Variants in KIF26B observed in about 807,000 individuals in gnomAD.
The protein encoded by KIF26B is kinesin family member 26B.
A neutral mutation model predicts 151.2 loss-of-function variants in KIF26B; 63 were observed. The ratio of observed to expected loss-of-function variants is 0.42; its 90% CI spans 0.34 to 0.51. The LOEUF (loss-of-function observed/expected upper bound fraction) is 0.51, where lower values mean the gene tolerates loss of function less well. KIF26B is among the 20% of genes least tolerant of loss of function. The pLI is 0.07. For synonymous variants in KIF26B, 1,357 were observed against 1,262.1 expected (o/e 1.08, Z -1.59); for missense variants, 2,813 against 2,913.6 (o/e 0.97, Z 0.79).
chr1:245,464,896 C>T (rs74156724), intron 4 of KIF26B, among the ~76,000 whole-genome samples: 2,282 of 151,952 alleles, frequency 0.015, 74 homozygotes, highest in African/African-American at 0.053. Context: ...AGCCAGAGGC[C>T]GGGGTTCGAA....
At chr1:245,642,268 T>C (rs565609189) in intron 9 of KIF26B, among the ~76,000 whole-genome samples, 1 of 152,166 alleles carries the variant, frequency 6.6e-6, no homozygotes, top group South Asian at 2.1e-4. Context: ...CCCTTCAGAA[T>C]CTGCTGTGGG....
intron 10 of KIF26B, among the ~76,000 whole-genome samples, chr1:245,668,782 T>C (rs1320273023): frequency 6.6e-6 from 1 of 152,192 alleles, no homozygotes; most frequent in East Asian, 1.9e-4. Flanking sequence ...CTCTGCTTCC[T>C]GGGTTCAAGT....
In KIF26B at chr1:245,241,160, T is replaced by A. The variant is rs1249630686; in HGVS notation, c.465+84477T>A. ...TTCCCGTTACCAGTAAATGTCGGAATTTCCTGAGTGCAGCTCTGAAGGATT... is the reference window on the plus strand; with the variant it reads ...TTCCCGTTACCAGTAAATGTCGGAAATTCCTGAGTGCAGCTCTGAAGGATT... On this transcript the variant is annotated intron_variant, in intron 2 of 14. Coordinates refer to ENST00000407071, the MANE Select transcript of KIF26B (RefSeq NM_018012.4). This position sits in a 1 kb window ranked among gnomAD's most constrained non-coding sequence, Gnocchi z 5.0. Among the ~76,000 whole-genome samples, 1 of 152,198 alleles carries A rather than the reference T, an allele frequency of 6.6e-6. No homozygotes were observed. Among genetic ancestry groups the A allele is most frequent in the Non-Finnish European group, 1.5e-5 (1 of 68,036 alleles).
intron 9 of KIF26B, among the ~76,000 whole-genome samples, chr1:245,626,386 C>G (rs2043724651): frequency 7.3e-6 from 1 of 137,726 alleles, no homozygotes; most frequent in Non-Finnish European, 1.5e-5. Context: ...TGCATCTTCA[C>G]TAGATTTCAT....
chr1:245,414,165 G>T (rs1674361304), intron 3 of KIF26B, among the ~76,000 whole-genome samples: 1 of 152,262 alleles, frequency 6.6e-6, no homozygotes, highest in Non-Finnish European at 1.5e-5. Flanking sequence ...CGTAGCCAAG[G>T]CTTCCAGCAG....
chr1:245,609,846 A>G (rs72762889), intron 8 of KIF26B, among the ~76,000 whole-genome samples: 12,630 of 152,198 alleles, frequency 0.083, 648 homozygotes, highest in South Asian at 0.12. Context: ...ACAAACCGGA[A>G]TATTTACTGC....
intron 3 of KIF26B, among the ~76,000 whole-genome samples, chr1:245,370,975 G>A (rs1673105368): frequency 6.6e-6 from 1 of 152,186 alleles, no homozygotes; most frequent in African/African-American, 2.4e-5. Context: ...TGAGTGCAGA[G>A]GTGAAGAGAT....
rs1671824774 is a variant in KIF26B, at chr1:245,318,621, A to G, written c.466-48213A>G. 1.3e-5 allele frequency among the ~76,000 whole-genome samples: 2 copies of G among 152,264 alleles called. No individual in the cohort carries two copies. The highest frequency in any genetic ancestry group is 4.2e-4 in the South Asian group (2 of 4,818). On this transcript the variant is annotated intron_variant, in intron 2 of 14. Transcript: ENST00000407071. The surrounding 1 kb of genome is among the most constrained non-coding windows in gnomAD (Gnocchi z 4.0). ...GACTTTGCTGCGACTCCCTAAGTTCATAGGGAAAGCAGCAAGGATGAGTTC... is the reference window on the plus strand; with the variant it reads ...GACTTTGCTGCGACTCCCTAAGTTCGTAGGGAAAGCAGCAAGGATGAGTTC...
chr1:245,160,778 A>G (rs1473155545), intron 2 of KIF26B, among the ~76,000 whole-genome samples: 1 of 152,218 alleles, frequency 6.6e-6, no homozygotes, highest in Non-Finnish European at 1.5e-5. Flanking sequence ...GTGGCCAGGA[A>G]TCACAGAGAT....
chr1:245,697,130 A>C (rs574685801), intron 12 of KIF26B, among the ~76,000 whole-genome samples: 1 of 152,150 alleles, frequency 6.6e-6, no homozygotes, highest in African/African-American at 2.4e-5. Context: ...GAGGTTTAAT[A>C]TGAAGCAAAA....
At chr1:245,256,891 C>G (rs1355373822) in intron 2 of KIF26B, among the ~76,000 whole-genome samples, 1 of 152,246 alleles carries the variant, frequency 6.6e-6, no homozygotes, top group East Asian at 1.9e-4. Flanking sequence ...CCCTGCAAAG[C>G]TGTCTCTTGT....
At chr1:245,187,004 G>A (rs941828535) in intron 2 of KIF26B, among the ~76,000 whole-genome samples, 4 of 151,940 alleles carry the variant, frequency 2.6e-5, no homozygotes, top group South Asian at 2.1e-4. Context: ...CTACAGGCGC[G>A]CACCACCACG....
intron 2 of KIF26B, among the ~76,000 whole-genome samples, chr1:245,287,259 C>CT (rs199693343): frequency 2.0e-5 from 3 of 151,748 alleles, no homozygotes; most frequent in Non-Finnish European, 4.4e-5. Flanking sequence ...TTTTATTAAA[C>CT]TTTTTTTTAA....
chr1:245,694,902 C>T (rs2147964692), intron 12 of KIF26B, among the ~76,000 whole-genome samples: 1 of 152,298 alleles, frequency 6.6e-6, no homozygotes, highest in Admixed American at 6.5e-5. Context: ...GGCTGATGAG[C>T]AGGGAGGGGT....
At chr1:245,444,227 G>C (rs1659196962) in intron 4 of KIF26B, among the ~76,000 whole-genome samples, 1 of 152,174 alleles carries the variant, frequency 6.6e-6, no homozygotes, top group African/African-American at 2.4e-5. Flanking sequence ...CTCCCTCACT[G>C]TTCACCTAGG....
At chr1:245,315,834 G>A (rs1439648485) in intron 2 of KIF26B, among the ~76,000 whole-genome samples, 1 of 152,180 alleles carries the variant, frequency 6.6e-6, no homozygotes, top group Admixed American at 6.5e-5. Flanking sequence ...GGAGGCTGCA[G>A]TAAGCCGTGA....
At chr1:245,484,802 A>C (rs1425836778) in intron 4 of KIF26B, among the ~76,000 whole-genome samples, 1 of 145,634 alleles carries the variant, frequency 6.9e-6, no homozygotes, top group African/African-American at 2.6e-5. Context: ...TATTCTTTTA[A>C]TTCTTCAAAG....
At chr1:245,531,249 T>C (rs1022353325) in intron 4 of KIF26B, among the ~76,000 whole-genome samples, 55 of 152,194 alleles carry the variant, frequency 3.6e-4, no homozygotes, top group African/African-American at 1.3e-3. Flanking sequence ...ATGATTATCA[T>C]TTGGTTTTAT....
At chr1:245,410,519 G>A (rs923590360) in intron 3 of KIF26B, among the ~76,000 whole-genome samples, 1 of 152,122 alleles carries the variant, frequency 6.6e-6, no homozygotes, top group African/African-American at 2.4e-5. Context: ...CACAATCATA[G>A]CTCACTGTAG....
Sources: gnomAD v4.1 joint callset for allele counts (sites outside exome capture counted in the v4.1 genomes callset) on GRCh38, gnomAD v4.1.1 for gene constraint, Gnocchi (gnomAD v3.1) non-coding constraint, MANE v1.5 for transcripts, NCBI Gene and HGNC (gene_info 2026-07-23, HGNC 2026-07-21) for gene names.